Variants in PSMA3 observed in about 807,000 individuals in gnomAD.
PSMA3 encodes the protein proteasome subunit alpha type-3.
PSMA3 carries 8 observed loss-of-function variants against 40.0 expected under a neutral mutation model. The observed-to-expected ratio is 0.20, with a 90% CI of 0.12 to 0.36. PSMA3 has a LOEUF of 0.36. Among genes scored for constraint, PSMA3 ranks in the 10% least tolerant of loss-of-function variants. PSMA3 has a pLI of 1.00. For missense variants in PSMA3, 219 were observed against 310.6 expected, an observed-to-expected ratio of 0.70 and a Z score of 2.22; for synonymous variants, 110 against 100.0, an observed-to-expected ratio of 1.10 and a Z score of -0.59.
rs1030431576 is a variant in PSMA3 at position 58,252,370 on chromosome 14, C to G, written c.228+128C>G. The G allele has an allele frequency of 2.5e-5, 31 of 1,223,950 alleles. 2 individuals are homozygous for G. Among genetic ancestry groups the G allele is most frequent in the Non-Finnish European group, 3.1e-5 (28 of 904,570 alleles). 75.8% of individuals were successfully genotyped at this position (1,223,950 alleles called of 1,614,324 possible). A position where few individuals can be genotyped will look rare whatever the true frequency, so the allele number is the denominator to read the frequency against. ...TTACTGCATTTGTCCAGTTCACTGTCCAGTAGAAAGGCAGCATTCTCATAA... is the reference window on the plus strand; with the variant it reads ...TTACTGCATTTGTCCAGTTCACTGTGCAGTAGAAAGGCAGCATTCTCATAA... On this transcript the variant is annotated intron_variant, in intron 3 of 10. Coordinates refer to ENST00000216455, the MANE Select transcript of PSMA3 (RefSeq NM_002788.4).
chr14:58,259,314 GTTTGT>G (rs994934705), intron 5 of PSMA3, among the ~76,000 whole-genome samples: 30 of 150,916 alleles, frequency 2.0e-4, no homozygotes, highest in African/African-American at 2.4e-4. Context: ...CTTTTTTTTT[GTTTGT>G]TTTGTTTTGT....
rs1200226854 is a variant in PSMA3 at position 58,267,730 on chromosome 14, A to T, written c.590+210A>T. 5 of 931,152 alleles carry T rather than the reference A, an allele frequency of 5.4e-6. No individual in the cohort carries two copies. In the Admixed American group the frequency reaches 1.5e-4, roughly 27 times the overall value. 57.7% of individuals were successfully genotyped at this position (931,152 alleles called of 1,614,324 possible). A position where few individuals can be genotyped will look rare whatever the true frequency, so the allele number is the denominator to read the frequency against. On this transcript the variant is annotated intron_variant, in intron 8 of 10. Transcript: ENST00000216455. ...TAGTAATGAATAGGATGGGAAAAAT[A>T]GCTTGACAAAATAAACTCCTGTTAC... is the stretch of plus-strand genomic sequence containing the variant.
At chr14:58,247,524 T>A (rs541536261) in intron 1 of PSMA3, among the ~76,000 whole-genome samples, 78 of 152,340 alleles carry the variant, frequency 5.1e-4, no homozygotes, top group South Asian at 1.0e-3. Context: ...GTGTTCTGAC[T>A]TCACCTGGGA....
chr14:58,258,785 ACAGT>A, intron 5 of PSMA3, among the ~76,000 whole-genome samples: 1 of 152,208 alleles, frequency 6.6e-6, no homozygotes. Context: ...ATGACTTAAA[ACAGT>A]CAAACATGTT....
chr14:58,258,137 G>A (rs182021218), intron 5 of PSMA3, 139 bp downstream of exon 5: 11 of 657,978 alleles, frequency 1.7e-5, no homozygotes, highest in African/African-American at 1.3e-4. Context: ...ATAAAACAGT[G>A]TACATAGAAA....
At chr14:58,260,864 A>G (rs1594829298) in intron 5 of PSMA3, 84 bp from the exon 6 acceptor site, 4 of 990,368 alleles carry the variant, frequency 4.0e-6, no homozygotes, top group Non-Finnish European at 6.2e-6. Context: ...CAGAAAGAAA[A>G]TATAACTGCA....
chr14:58,263,873 G>GA, intron 7 of PSMA3, 103 bp downstream of exon 7: 6 of 985,970 alleles, frequency 6.1e-6, no homozygotes, highest in Non-Finnish European at 9.6e-6. Flanking sequence ...CAATCATTTG[G>GA]CTTCCCTGGG....
At chr14:58,248,809 C>T (rs1889935654) in intron 2 of PSMA3, among the ~76,000 whole-genome samples, 1 of 151,532 alleles carries the variant, frequency 6.6e-6, no homozygotes, top group East Asian at 2.0e-4. Flanking sequence ...TAACAAAATA[C>T]AAAAATTAGC....
intron 7 of PSMA3, chr14:58,265,748 CAATT>C (rs1262752612): frequency 1.3e-5 from 2 of 152,168 alleles, no homozygotes; most frequent in Admixed American, 6.6e-5. Flanking sequence ...TTTTAGGATG[CAATT>C]AATTCACTAA....
At position 58,257,940 on chromosome 14, in the gene PSMA3, G is replaced by C. The variant is rs762626965; in HGVS notation, c.346G>C (p.Val116Leu). The change falls in exon 5 of 11, where the codon GTG becomes CTG. Residue 116 changes from valine to leucine, a missense_variant. Physicochemically the swap from Val to Leu is conservative, Grantham distance 32. Transcript: ENST00000216455. ...NIPLKHLADR[V>L]AMYVHAYTLY... ...CCCTCCATAGCATCTTGCAGACAGA[G>C]TGGCCATGTATGTGCATGCATATAC... The C allele has an allele frequency of 6.2e-7, 1 of 1,613,948 alleles. No individual in the cohort carries two copies. The highest frequency in any genetic ancestry group is 8.5e-7 in the Non-Finnish European group (1 of 1,179,842).
At chr14:58,253,808 G>A (rs1470573123) in intron 3 of PSMA3, among the ~76,000 whole-genome samples, 1 of 152,066 alleles carries the variant, frequency 6.6e-6, no homozygotes, top group East Asian at 1.9e-4. Flanking sequence ...TGGTCAGGCT[G>A]GTCTCGGACT....
At chr14:58,260,758 A>G (rs1169681553) in intron 5 of PSMA3, among the ~76,000 whole-genome samples, 190 bp from the exon 6 acceptor site, 1 of 152,158 alleles carries the variant, frequency 6.6e-6, no homozygotes. Flanking sequence ...AACAAAAGCT[A>G]CATGAATTTT....
At chr14:58,268,454 A>G (rs1424556093) in intron 8 of PSMA3, among the ~76,000 whole-genome samples, 1 of 152,114 alleles carries the variant, frequency 6.6e-6, no homozygotes, top group African/African-American at 2.4e-5. Context: ...TAACCGGTCC[A>G]TCATTACTGC....
intron 1 of PSMA3, among the ~76,000 whole-genome samples, chr14:58,246,657 A>G (rs1889887993): frequency 6.6e-6 from 1 of 152,176 alleles, no homozygotes. Context: ...TCACCCTCCC[A>G]AAGTGCTGGG....
chr14:58,271,932 CTCCAG>C lies in PSMA3; in HGVS notation c.*42_*46del. The C allele has an allele frequency of 8.3e-6, 12 of 1,438,300 alleles. No homozygotes were observed. The highest frequency in any genetic ancestry group is 1.2e-5 in the Non-Finnish European group (12 of 1,023,276). The allele number at this position is 1,438,300 out of a possible 1,614,324, so 89.1% of individuals were successfully genotyped here. On this transcript the variant is annotated 3_prime_UTR_variant, in exon 11 of 11. Transcript: ENST00000216455. ...GCATCTATTGTATTTTAAATTTCTACTCCAGTCCAATGTAACTATTTAGCCCTGGA... is the reference window on the plus strand; with the variant it reads ...GCATCTATTGTATTTTAAATTTCTACTCCAATGTAACTATTTAGCCCTGGA...
chr14:58,271,964 TATAC>T lies in PSMA3; in HGVS notation c.*74_*77del. 8.8e-7 allele frequency: 1 copy of T among 1,133,486 alleles called. No individual in the cohort carries two copies. Among genetic ancestry groups the T allele is most frequent in the Non-Finnish European group, 1.3e-6 (1 of 765,956 alleles). The allele number at this position is 1,133,486 out of a possible 1,614,324, so 70.2% of individuals were successfully genotyped here. A position where few individuals can be genotyped will look rare whatever the true frequency, so the allele number is the denominator to read the frequency against. Reference sequence around the variant, plus strand: ...CCAATGTAACTATTTAGCCCTGGATTATACATACTGTCCAATTTTCATTAAATTT... The same window carrying T: ...CCAATGTAACTATTTAGCCCTGGATTATACTGTCCAATTTTCATTAAATTT... On this transcript the variant is annotated 3_prime_UTR_variant, in exon 11 of 11. Coordinates refer to ENST00000216455, the MANE Select transcript of PSMA3 (RefSeq NM_002788.4).
intron 6 of PSMA3, 46 bp from the exon 7 acceptor site, chr14:58,263,659 T>C: frequency 2.8e-6 from 4 of 1,437,734 alleles, no homozygotes; most frequent in Non-Finnish European, 3.9e-6. Context: ...TAATTACATA[T>C]GATAGTGTAC....
At chr14:58,248,077 CTT>C (rs1178935374) in intron 2 of PSMA3, among the ~76,000 whole-genome samples, 1 of 152,068 alleles carries the variant, frequency 6.6e-6, no homozygotes, top group Non-Finnish European at 1.5e-5. Flanking sequence ...TCATTATCAT[CTT>C]TTTGTTTTCC....
intron 3 of PSMA3, among the ~76,000 whole-genome samples, chr14:58,256,477 C>T (rs1200779664): frequency 2.7e-5 from 4 of 147,332 alleles, no homozygotes; most frequent in African/African-American, 7.6e-5. Context: ...TGCAGTGGCG[C>T]GATCTCGGCT....
Sources: gnomAD v4.1 joint callset for allele counts (sites outside exome capture counted in the v4.1 genomes callset) on GRCh38, gnomAD v4.1.1 for gene constraint, MANE v1.5 for transcripts, NCBI Gene and HGNC (gene_info 2026-07-23, HGNC 2026-07-21) for gene names.